CNGA1: variants seen among roughly 807,000 people sequenced by gnomAD.
The protein encoded by CNGA1 is cyclic nucleotide-gated channel alpha-1.
A neutral mutation model predicts 69.7 loss-of-function variants in CNGA1; 53 were observed. That is an observed-to-expected ratio of 0.76 (90% confidence interval 0.61 to 0.96). CNGA1 has a LOEUF of 0.96. Ranked by LOEUF, CNGA1 falls within the 40% of genes least tolerant of loss-of-function variation. The probability of loss-of-function intolerance (pLI) is 0.00; values close to 1 mark genes in which losing one functional copy is unlikely to be tolerated. For missense variants in CNGA1, 739 were observed against 811.2 expected (o/e 0.91, Z 1.08); for synonymous variants, 249 against 283.5 (o/e 0.88, Z 1.22).
At chr4:47,996,205 C>T (rs1458815214) in intron 2 of CNGA1, among the ~76,000 whole-genome samples, 1 of 152,186 alleles carries the variant, frequency 6.6e-6, no homozygotes, top group Non-Finnish European at 1.5e-5. Flanking sequence ...TCTAGTCCTG[C>T]CTCCCATCCA....
intron 2 of CNGA1, among the ~76,000 whole-genome samples, chr4:47,985,384 T>C (rs1012314070): frequency 5.3e-5 from 8 of 152,300 alleles, no homozygotes; most frequent in South Asian, 2.1e-4. Flanking sequence ...ACACAGATGA[T>C]GTGATTATAA....
chr4:47,960,949 A>C (rs763134681), intron 3 of CNGA1, among the ~76,000 whole-genome samples: 25 of 152,336 alleles, frequency 1.6e-4, no homozygotes, highest in Non-Finnish European at 3.5e-4. Flanking sequence ...TCTGGAATGA[A>C]AATTGGGGAA....
intron 3 of CNGA1, among the ~76,000 whole-genome samples, chr4:47,973,532 C>T (rs1741161023): frequency 6.6e-6 from 1 of 151,944 alleles, no homozygotes. Context: ...GTGTGAATGC[C>T]CCTAAAGATT....
chr4:47,949,886 G>T lies in CNGA1; in HGVS notation c.234C>A (p.Tyr78Ter), dbSNP rs1436425494. Reference protein sequence around the residue: ...RKGGPSQREQYLPGAIALFNV... With the variant: ...RKGGPSQREQ Reference sequence around the variant, plus strand: ...TAAAAAGTGCAATGGCACCAGGCAGGTACTGCTCCCTGGGAAATGAAAAAC... The same window carrying T: ...TAAAAAGTGCAATGGCACCAGGCAGTTACTGCTCCCTGGGAAATGAAAAAC... The change falls in exon 6 of 11, where the codon TAC becomes TAA. Residue 78 changes from tyrosine (Y) to a stop codon, truncating the protein, a stop_gained. Transcript: ENST00000514170. LOFTEE classifies it high-confidence loss of function. 4 of 1,613,900 alleles carry T rather than the reference G, an allele frequency of 2.5e-6. No homozygotes were observed. Among genetic ancestry groups the T allele is most frequent in the East Asian group, 2.2e-5 (1 of 44,862 alleles).
At chr4:47,956,622 A>G (rs1003236012) in intron 3 of CNGA1, among the ~76,000 whole-genome samples, 1 of 152,212 alleles carries the variant, frequency 6.6e-6, no homozygotes, top group Non-Finnish European at 1.5e-5. Flanking sequence ...CAAATGAACA[A>G]ATTCTTTTCC....
chr4:47,977,475 T>C (rs545232025), intron 3 of CNGA1, among the ~76,000 whole-genome samples: 27 of 152,276 alleles, frequency 1.8e-4, no homozygotes, highest in African/African-American at 6.5e-4. Flanking sequence ...ATGGCAGCCA[T>C]AGCAGACTAA....
At chr4:47,995,550 G>T in intron 2 of CNGA1, among the ~76,000 whole-genome samples, 1 of 82,370 alleles carries the variant, frequency 1.2e-5, no homozygotes, top group African/African-American at 3.8e-5. Flanking sequence ...TTCACTTCTT[G>T]TATCATTTTT....
chr4:47,977,280 A>C (rs1460834933), intron 3 of CNGA1, among the ~76,000 whole-genome samples: 1 of 152,168 alleles, frequency 6.6e-6, no homozygotes, highest in Non-Finnish European at 1.5e-5. Flanking sequence ...ACATACAAAG[A>C]GACAGGAAGG....
In CNGA1 at chr4:47,936,609, G is replaced by T. The variant is rs376959147; in HGVS notation, c.1873C>A (p.Arg625=). 1 of 1,614,010 alleles carries T rather than the reference G, an allele frequency of 6.2e-7. No individual in the cohort carries two copies. Among genetic ancestry groups the T allele is most frequent in the African/African-American group, 1.3e-5 (1 of 74,890 alleles). Residue 625 remains arginine (R), a synonymous_variant, in exon 11 of 11, where the codon CGA becomes AGA. Transcript: ENST00000514170. The stretch of plus-strand genomic sequence containing the variant: ...AGGAGGTCTACTGACCCCTCCATTC[G>T]AGTAACCTTCTCTTCAAGATCTTTA... ...DPKDLEEKVT[R]MEGSVDLLQT...
At position 47,937,233 on chromosome 4, in the gene CNGA1, T is replaced by G; in HGVS notation, c.1249A>C (p.Met417Leu). Residue 417 changes from methionine to leucine, a missense_variant, in exon 11 of 11, where the codon ATG (methionine) becomes CTG (leucine). Physicochemically the swap from Met to Leu is conservative, Grantham distance 15 (BLOSUM62 2). Coordinates refer to ENST00000514170, the MANE Select transcript of CNGA1 (RefSeq NM_001379270.1). ...QARIDAIKQYMHFRNVSKDME... is the reference protein window; with the variant it reads ...QARIDAIKQYLHFRNVSKDME... Reference sequence around the variant, plus strand: ...TCTTTGCTTACATTTCGAAAATGCATATATTGCTTGATAGCATCAATTCTT... The same window carrying G: ...TCTTTGCTTACATTTCGAAAATGCAGATATTGCTTGATAGCATCAATTCTT... 6.2e-7 allele frequency: 1 copy of G among 1,614,122 alleles called. No homozygotes were observed. Among genetic ancestry groups the G allele is most frequent in the Middle Eastern group, 1.7e-4 (1 of 6,060 alleles).
intron 2 of CNGA1, among the ~76,000 whole-genome samples, chr4:47,990,590 A>C (rs1023603705): frequency 6.6e-6 from 1 of 152,104 alleles, no homozygotes; most frequent in East Asian, 1.9e-4. Context: ...CCGTTGAAGC[A>C]TGTAATCCTT....
At position 47,959,057 on chromosome 4, in the gene CNGA1, G is replaced by A. The variant is rs114734832; in HGVS notation, c.-14-6354C>T. ...ACAACATAAAGAAGAAAATGTTTGCGAAGAAGATTTTATGTGATCAATCAA... is the reference window on the plus strand; with the variant it reads ...ACAACATAAAGAAGAAAATGTTTGCAAAGAAGATTTTATGTGATCAATCAA... On this transcript the variant is annotated intron_variant, in intron 3 of 10. Transcript: ENST00000514170. 656 of 152,214 alleles carry A rather than the reference G, an allele frequency of 4.3e-3. 6 individuals are homozygous for A. The highest frequency in any genetic ancestry group is 0.015 in the African/African-American group (636 of 41,538). The allele number at this position is 152,214 out of a possible 1,614,324, so 9.4% of individuals were successfully genotyped here.
intron 3 of CNGA1, among the ~76,000 whole-genome samples, chr4:47,958,621 C>CAA (rs60052755): frequency 7.1e-6 from 1 of 140,414 alleles, no homozygotes. Context: ...GACTCCGCCT[C>CAA]AAAAAAAAAA....
At chr4:47,951,928 T>C (rs1739766292) in intron 4 of CNGA1, among the ~76,000 whole-genome samples, 1 of 152,250 alleles carries the variant, frequency 6.6e-6, no homozygotes, top group South Asian at 2.1e-4. Context: ...CATTTCATAC[T>C]CTGAGTACTT....
In CNGA1 at chr4:47,936,513, T is replaced by C. The variant is rs540881872; in HGVS notation, c.1969A>G (p.Lys657Glu). The change falls in exon 11 of 11, where the codon AAG (lysine) becomes GAG (glutamate). Residue 657 changes from lysine to glutamate, a missense_variant. Lys to Glu is a moderately conservative substitution (Grantham distance 56, BLOSUM62 1). Transcript: ENST00000514170. ...MQQKLKQRLT[K>E]VEKFLKPLID... ...AGCGGTTTCAGAAATTTCTCAACCT[T>C]GGTTAATCTTTGTTTCAGTTTCTGC... 6.8e-6 allele frequency: 11 copies of C among 1,614,162 alleles called. No individual in the cohort carries two copies. The African/African-American group carries it at 8.0e-5, about 12-fold the overall frequency.
At chr4:47,954,864 G>T (rs1739967695) in intron 3 of CNGA1, among the ~76,000 whole-genome samples, 1 of 152,188 alleles carries the variant, frequency 6.6e-6, no homozygotes, top group African/African-American at 2.4e-5. Flanking sequence ...CTGTGCCGTT[G>T]ATGACTATGC....
intron 5 of CNGA1, among the ~76,000 whole-genome samples, chr4:47,950,507 A>G (rs190505704): frequency 1.6e-4 from 24 of 152,294 alleles, no homozygotes; most frequent in African/African-American, 5.1e-4. Context: ...ATATCAGTCA[A>G]TGTTCATACC....
chr4:47,952,562 T>C (rs760873136), intron 4 of CNGA1, 21 bp downstream of exon 4: 9 of 1,611,232 alleles, frequency 5.6e-6, no homozygotes, highest in South Asian at 1.1e-5. Flanking sequence ...TAAAAATGCA[T>C]GGGAAAATGT....
intron 3 of CNGA1, among the ~76,000 whole-genome samples, chr4:47,973,004 C>T (rs7656966): frequency 0.53 from 80,214 of 150,580 alleles, 23,007 homozygotes; most frequent in Non-Finnish European, 0.64. Flanking sequence ...GATAAAATTA[C>T]AAACTGAATT....
Sources: gnomAD v4.1 joint callset for allele counts (sites outside exome capture counted in the v4.1 genomes callset) on GRCh38, gnomAD v4.1.1 for gene constraint, MANE v1.5 for transcripts, NCBI Gene and HGNC (gene_info 2026-07-23, HGNC 2026-07-21) for gene names.